The following EXD1 variants were observed in gnomAD, a reference collection of about 807,000 sequenced individuals.
The protein encoded by EXD1 is exonuclease 3'-5' domain containing 1, also known as piRNA biogenesis protein EXD1.
In EXD1, 63 loss-of-function variants were observed where a neutral mutation model predicts 49.1. The ratio of observed to expected loss-of-function variants is 1.28; its 90% confidence interval spans 1.05 to 1.58. The LOEUF (loss-of-function observed/expected upper bound fraction) is 1.58. Among genes scored for constraint, EXD1 ranks in the 40% most tolerant of loss-of-function variants. The probability of loss-of-function intolerance (pLI) is 0.00; values close to 1 mark genes in which losing one functional copy is unlikely to be tolerated. For synonymous variants in EXD1, 234 were observed against 239.2 expected (o/e 0.98, Z 0.20); for missense variants, 748 against 666.0 (o/e 1.12, Z -1.36).
chr15:41,222,849 T>C (rs150630109), intron 2 of EXD1, among the ~76,000 whole-genome samples: 13 of 148,300 alleles, frequency 8.8e-5, no homozygotes, highest in Admixed American at 3.4e-4. Flanking sequence ...GGCAGGAGAA[T>C]TGCTTGAACT....
intron 3 of EXD1, among the ~76,000 whole-genome samples, chr15:41,218,137 G>C (rs996874448): frequency 6.6e-6 from 1 of 152,232 alleles, no homozygotes; most frequent in Non-Finnish European, 1.5e-5. Context: ...CTGAGGTCAG[G>C]AGTTCGAGAC....
chr15:41,201,155 T>C (rs902961102), intron 7 of EXD1, among the ~76,000 whole-genome samples: 2 of 152,138 alleles, frequency 1.3e-5, no homozygotes, highest in Admixed American at 6.6e-5. Flanking sequence ...ATTACAGGCA[T>C]GAGCCACTGT....
At position 41,184,212 on chromosome 15, in the gene EXD1, G is replaced by A. The variant is rs1261881410; in HGVS notation, c.1438C>T (p.Gln480Ter). 1.9e-6 allele frequency: 3 copies of A among 1,614,006 alleles called. No individual in the cohort carries two copies. Among genetic ancestry groups the A allele is most frequent in the Non-Finnish European group, 2.5e-6 (3 of 1,180,052 alleles). Residue 480 changes from glutamine (Q) to a stop codon, truncating the protein, a stop_gained, in exon 12 of 12, where the codon CAG (glutamine) becomes TAG (stop). Transcript: ENST00000458580. LOFTEE classifies it low-confidence loss of function (END_TRUNC). Reference protein sequence around the residue: ...ICTKSKGSEDQRITQKEHFMT... With the variant: ...ICTKSKGSED Reference sequence around the variant, plus strand: ...AAGTGTTCTTTCTGAGTTATTCTCTGGTCCTCTGACCCCTTTGACTTTGTG... The same window carrying A: ...AAGTGTTCTTTCTGAGTTATTCTCTAGTCCTCTGACCCCTTTGACTTTGTG...
chr15:41,205,541 G>A (rs1268026486), intron 7 of EXD1, among the ~76,000 whole-genome samples: 1 of 152,120 alleles, frequency 6.6e-6, no homozygotes. Flanking sequence ...AATTTGGAAG[G>A]CTGAGCTGGG....
At chr15:41,204,303 C>A (rs537477027) in intron 7 of EXD1, among the ~76,000 whole-genome samples, 17 of 150,784 alleles carry the variant, frequency 1.1e-4, no homozygotes, top group African/African-American at 3.9e-4. Flanking sequence ...GTAATCCCAG[C>A]ACTTTGGGAG....
At chr15:41,214,092 G>A (rs549527768) in intron 6 of EXD1, among the ~76,000 whole-genome samples, 48 of 151,990 alleles carry the variant, frequency 3.2e-4, no homozygotes, top group African/African-American at 1.1e-3. Flanking sequence ...GCGTGAACCC[G>A]GGAGGTGGAG....
intron 1 of EXD1, 114 bp downstream of exon 1, chr15:41,230,365 G>C: frequency 8.9e-7 from 1 of 1,125,812 alleles, no homozygotes; most frequent in Non-Finnish European, 1.3e-6. Flanking sequence ...TTACAGGCGT[G>C]AGCCACCGTG....
intron 7 of EXD1, among the ~76,000 whole-genome samples, chr15:41,201,997 C>T (rs1039154343): frequency 1.8e-4 from 27 of 151,846 alleles, no homozygotes; most frequent in Non-Finnish European, 3.4e-4. Context: ...GTACAAAAAA[C>T]AAAAGAATTT....
At chr15:41,214,114 C>T (rs528744383) in intron 6 of EXD1, among the ~76,000 whole-genome samples, 1 of 152,154 alleles carries the variant, frequency 6.6e-6, no homozygotes, top group East Asian at 1.9e-4. Context: ...TTGCAGTGAG[C>T]CGAGATAGTG....
At chr15:41,228,662 A>T (rs912893995) in intron 1 of EXD1, among the ~76,000 whole-genome samples, 1 of 152,108 alleles carries the variant, frequency 6.6e-6, no homozygotes, top group Non-Finnish European at 1.5e-5. Flanking sequence ...AATACATAAA[A>T]CTGGAAAAAG....
At chr15:41,208,290 C>T (rs571868574) in intron 7 of EXD1, among the ~76,000 whole-genome samples, 2 of 138,888 alleles carry the variant, frequency 1.4e-5, no homozygotes, top group East Asian at 2.3e-4. Flanking sequence ...CAGCACTTTG[C>T]GGTTAGGCTG....
In EXD1 at chr15:41,185,845, G is replaced by A. The variant is rs73398382; in HGVS notation, c.1057-1252C>T. Among the ~76,000 whole-genome samples the A allele has an allele frequency of 2.2e-3, 333 of 152,190 alleles. 2 individuals are homozygous for A. The highest frequency in any genetic ancestry group is 7.7e-3 in the African/African-American group (319 of 41,540). On this transcript the variant is annotated intron_variant, in intron 11 of 11. Coordinates refer to ENST00000458580, the MANE Select transcript of EXD1 (RefSeq NM_001286441.2). ...ATCCGATTATATTTTTTAGCTGCTT[G>A]TATGGATATCAAAAATCTAGTAATT...
intron 7 of EXD1, among the ~76,000 whole-genome samples, chr15:41,203,675 G>C (rs1482365204): frequency 1.3e-5 from 2 of 151,860 alleles, no homozygotes; most frequent in Non-Finnish European, 2.9e-5. Context: ...CTAGCACTTT[G>C]AGAGACCGAG....
At chr15:41,230,375 G>T (rs1412002709) in intron 1 of EXD1, 104 bp downstream of exon 1, 2 of 1,263,510 alleles carry the variant, frequency 1.6e-6, no homozygotes, top group East Asian at 2.4e-5. Flanking sequence ...GAGCCACCGT[G>T]CCAGGCCTAC....
chr15:41,209,778 C>T (rs918950080), intron 6 of EXD1, among the ~76,000 whole-genome samples, 191 bp from the exon 7 acceptor site: 2 of 150,890 alleles, frequency 1.3e-5, no homozygotes, highest in African/African-American at 4.9e-5. Flanking sequence ...ACTTCTGATT[C>T]TTTTTTTTTG....
chr15:41,230,365 G>A (rs757480842), intron 1 of EXD1, 114 bp downstream of exon 1: 5 of 1,125,812 alleles, frequency 4.4e-6, no homozygotes, highest in Admixed American at 1.9e-5. Context: ...TTACAGGCGT[G>A]AGCCACCGTG....
intron 11 of EXD1, among the ~76,000 whole-genome samples, chr15:41,186,047 A>C (rs2046401334): frequency 6.6e-6 from 1 of 152,198 alleles, no homozygotes; most frequent in Non-Finnish European, 1.5e-5. Flanking sequence ...CTTCAAAAAT[A>C]CTAAAATAGT....
intron 3 of EXD1, among the ~76,000 whole-genome samples, chr15:41,217,867 T>C (rs1016068980): frequency 2.0e-5 from 3 of 152,162 alleles, no homozygotes; most frequent in African/African-American, 4.8e-5. Flanking sequence ...AAAGCCTCTA[T>C]GTTTCAAAAG....
intron 7 of EXD1, among the ~76,000 whole-genome samples, chr15:41,199,595 A>ATATATAT (rs113340271): frequency 7.1e-6 from 1 of 141,678 alleles, no homozygotes; most frequent in African/African-American, 2.6e-5. Flanking sequence ...AATTTGTTTT[A>ATATATAT]TATATATTAT....
Sources: allele counts gnomAD v4.1 joint callset (sites outside exome capture counted in the v4.1 genomes callset), GRCh38; gene constraint gnomAD v4.1.1; transcripts MANE v1.5; gene names NCBI Gene and HGNC (gene_info 2026-07-23, HGNC 2026-07-21).